CCNDBP1: variants seen among roughly 807,000 people sequenced by gnomAD.
CCNDBP1 encodes the protein cyclin D1 binding protein 1, also known as cyclin-D1-binding protein 1.
In CCNDBP1, 45 loss-of-function variants were observed where a neutral mutation model predicts 46.2. The ratio of observed to expected loss-of-function variants is 0.97; its 90% CI spans 0.77 to 1.25. CCNDBP1 has a LOEUF of 1.25. Ranked by LOEUF, CCNDBP1 falls within the 50% of genes most tolerant of loss-of-function variation. The pLI is 0.00. For missense variants in CCNDBP1, 436 were observed against 442.1 expected, an observed-to-expected ratio of 0.99 and a Z score of 0.12; for synonymous variants, 154 against 163.6, an observed-to-expected ratio of 0.94 and a Z score of 0.45.
intron 4 of CCNDBP1, 185 bp from the exon 5 acceptor site, chr15:43,189,870 A>C: frequency 1.8e-6 from 1 of 564,512 alleles, no homozygotes; most frequent in South Asian, 2.5e-5. Flanking sequence ...GAAAACACTA[A>C]GGAATGGCAG....
At position 43,196,100 on chromosome 15, in the gene CCNDBP1, G is replaced by A. The variant is rs918256306; in HGVS notation, c.*1259G>A. 6.6e-6 allele frequency: 1 copy of A among 151,724 alleles called. No individual in the cohort carries two copies. Among genetic ancestry groups the A allele is most frequent in the African/African-American group, 2.4e-5 (1 of 41,274 alleles). 9.4% of individuals were successfully genotyped at this position (151,724 alleles called of 1,614,324 possible). On this transcript the variant is annotated 3_prime_UTR_variant, in exon 11 of 11. Transcript: ENST00000300213. ...TATATACTTTTATATTTCTCTACTGGACCAAATTCATGTTATTAACATCAG... is the reference window on the plus strand; with the variant it reads ...TATATACTTTTATATTTCTCTACTGAACCAAATTCATGTTATTAACATCAG...
chr15:43,185,796 GC>G, intron 1 of CCNDBP1, 23 bp from the exon 2 acceptor site: 1 of 1,607,852 alleles, frequency 6.2e-7, no homozygotes. Flanking sequence ...CCACCGTTCG[GC>G]CCCCACACGC....
chr15:43,192,584 C>T lies in CCNDBP1; in HGVS notation c.861-159C>T, dbSNP rs575410044. On this transcript the variant is annotated intron_variant, in intron 8 of 10. Coordinates refer to ENST00000300213, the MANE Select transcript of CCNDBP1 (RefSeq NM_012142.5). ...TGGGGTATGGTTGTTTCAATAAAGA[C>T]TGGTTGAACTCATTCTGTATTGGTT... Among the ~76,000 whole-genome samples the T allele has an allele frequency of 2.6e-5, 4 of 152,282 alleles. No homozygotes were observed. In the South Asian group the frequency reaches 8.3e-4, roughly 32 times the overall value.
intron 8 of CCNDBP1, among the ~76,000 whole-genome samples, chr15:43,191,968 A>G (rs1055953271): frequency 6.6e-6 from 1 of 152,210 alleles, no homozygotes; most frequent in Non-Finnish European, 1.5e-5. Context: ...ATACTTCAGT[A>G]TGTATCTCCT....
Position 43,185,839 on chromosome 15 carries a change from C to T in CCNDBP1, c.129C>T (p.Thr43=). The change falls in exon 2 of 11, where the codon ACC becomes ACT. Residue 43 remains threonine (T), a synonymous_variant. Coordinates refer to ENST00000300213, the MANE Select transcript of CCNDBP1 (RefSeq NM_012142.5). ...CACAAGTCGGCGAAGCCCAGGAGAC[C>T]ACCGAGGAGTTTAATCGAGAGATGT... is the stretch of plus-strand genomic sequence containing the variant. ...PRVRVGEAQE[T]TEEFNREMFW... 6.2e-7 allele frequency: 1 copy of T among 1,611,536 alleles called. No individual in the cohort carries two copies.
At position 43,197,090 on chromosome 15, in the gene CCNDBP1, G is replaced by T; in HGVS notation, c.*2249G>T. 1 of 621,884 alleles carries T rather than the reference G, an allele frequency of 1.6e-6. No homozygotes were observed. The highest frequency in any genetic ancestry group is 2.8e-6 in the Non-Finnish European group (1 of 361,156). 38.5% of individuals were successfully genotyped at this position (621,884 alleles called of 1,614,324 possible). A position where few individuals can be genotyped will look rare whatever the true frequency, so the allele number is the denominator to read the frequency against. On this transcript the variant is annotated 3_prime_UTR_variant, in exon 11 of 11. Transcript: ENST00000300213. ...TCACGTTGCCTCCCTTCATCTTCCT[G>T]CATAAGTGGAAGCAGCCTGAAGCCC... is the stretch of plus-strand genomic sequence containing the variant.
Position 43,185,609 on chromosome 15 carries a change from T to G in CCNDBP1, c.109+2T>G. On this transcript the variant is annotated splice_donor_variant, in intron 1 of 10. Coordinates refer to ENST00000300213, the MANE Select transcript of CCNDBP1 (RefSeq NM_012142.5). LOFTEE classifies it high-confidence loss of function. ...GGTTGCTCCTGCCTCGAGTGCGGGGTGAGCTGACGGAGTTAGAACGGGCGA... is the reference window on the plus strand; with the variant it reads ...GGTTGCTCCTGCCTCGAGTGCGGGGGGAGCTGACGGAGTTAGAACGGGCGA... The G allele has an allele frequency of 6.5e-7, 1 of 1,540,974 alleles. No homozygotes were observed. Among genetic ancestry groups the G allele is most frequent in the Non-Finnish European group, 8.7e-7 (1 of 1,145,686 alleles).
Position 43,191,683 on chromosome 15 carries a change from G to C in CCNDBP1, c.860+8G>C. On this transcript the variant is annotated splice_region_variant and intron_variant, in intron 8 of 10. Transcript: ENST00000300213. ...TGATGAAATCAGCCCTAGGTAAGCG[G>C]GATCCCCACTTGAAACATCTGAGCA... 6.3e-7 allele frequency: 1 copy of C among 1,597,758 alleles called. No individual in the cohort carries two copies. Among genetic ancestry groups the C allele is most frequent in the Non-Finnish European group, 8.5e-7 (1 of 1,177,258 alleles).
At chr15:43,187,266 T>C (rs2041867380) in intron 3 of CCNDBP1, among the ~76,000 whole-genome samples, 1 of 151,706 alleles carries the variant, frequency 6.6e-6, no homozygotes, top group Non-Finnish European at 1.5e-5. Flanking sequence ...CTACATACCT[T>C]TGAGATTTTT....
chr15:43,186,818 A>G (rs1387550664), intron 3 of CCNDBP1, among the ~76,000 whole-genome samples: 1 of 152,218 alleles, frequency 6.6e-6, no homozygotes, highest in Non-Finnish European at 1.5e-5. Flanking sequence ...GCATATATAC[A>G]TTCATATACA....
intron 8 of CCNDBP1, 104 bp downstream of exon 8, chr15:43,191,779 C>A: frequency 7.4e-7 from 1 of 1,360,518 alleles, no homozygotes. Flanking sequence ...TGAAATTTTT[C>A]AAACCTATAG....
At chr15:43,189,115 G>GAAAAGA (rs937438203) in intron 3 of CCNDBP1, 84 bp from the exon 4 acceptor site, 6 of 303,158 alleles carry the variant, frequency 2.0e-5, no homozygotes, top group African/African-American at 2.6e-5. Context: ...GAAAAAGAAA[G>GAAAAGA]AAAAGAAAAA....
At position 43,192,536 on chromosome 15, in the gene CCNDBP1, TC is replaced by T. The variant is rs1198665369; in HGVS notation, c.861-200del. Among the ~76,000 whole-genome samples, 3 of 152,212 alleles carry T rather than the reference TC, an allele frequency of 2.0e-5. No homozygotes were observed. In the South Asian group the frequency reaches 6.2e-4, roughly 32 times the overall value. On this transcript the variant is annotated intron_variant, in intron 8 of 10. Coordinates refer to ENST00000300213, the MANE Select transcript of CCNDBP1 (RefSeq NM_012142.5). ...CACCCTACTATGAACCAAGGGAATT[TC>T]CCCCCCAGCTTCCTAGTGAAATGGG...
intron 3 of CCNDBP1, chr15:43,188,982 G>A: frequency 2.9e-6 from 1 of 343,074 alleles, no homozygotes; most frequent in Non-Finnish European, 5.3e-6. Context: ...GGAGGCTGAG[G>A]CAGGAGAACT....
At position 43,192,765 on chromosome 15, in the gene CCNDBP1, A is replaced by G. The variant is rs1345753032; in HGVS notation, c.883A>G (p.Ile295Val). The stretch of plus-strand genomic sequence containing the variant: ...TAGTGTGGATGATTTGGCTCTGAGC[A>G]TATATCCACCTATGTGTCACCTGAC... ...SPSVDDLALS[I>V]YPPMCHLTVR... Residue 295 changes from isoleucine (I) to valine (V), a missense_variant, in exon 9 of 11, where the codon ATA (isoleucine) becomes GTA (valine). By Grantham distance (29) the Ile-to-Val change is conservative. Coordinates refer to ENST00000300213, the MANE Select transcript of CCNDBP1 (RefSeq NM_012142.5). 1.2e-6 allele frequency: 2 copies of G among 1,614,190 alleles called. No homozygotes were observed. The highest frequency in any genetic ancestry group is 2.2e-5 in the East Asian group (1 of 44,890).
At chr15:43,187,163 A>G (rs1017572643) in intron 3 of CCNDBP1, among the ~76,000 whole-genome samples, 1 of 152,130 alleles carries the variant, frequency 6.6e-6, no homozygotes, top group Non-Finnish European at 1.5e-5. Context: ...TTCATAGTCA[A>G]TTGTTTTAAT....
intron 4 of CCNDBP1, 48 bp downstream of exon 4, chr15:43,189,328 T>A: frequency 9.3e-7 from 1 of 1,074,670 alleles, no homozygotes; most frequent in Non-Finnish European, 1.3e-6. Context: ...TTGCTAATAT[T>A]GTGGATTATG....
chr15:43,186,088 G>A (rs2041823830), intron 2 of CCNDBP1, 66 bp from the exon 3 acceptor site: 2 of 1,452,168 alleles, frequency 1.4e-6, no homozygotes, highest in Admixed American at 3.4e-5. Context: ...GGTCGGTAAG[G>A]GAAGTCTTCC....
Position 43,194,835 on chromosome 15 carries a change from A to G in CCNDBP1, c.1077A>G (p.Glu359=), listed in dbSNP as rs774819280. 2.5e-6 allele frequency: 4 copies of G among 1,595,024 alleles called. No homozygotes were observed. Among genetic ancestry groups the G allele is most frequent in the South Asian group, 1.1e-5 (1 of 90,672 alleles). The change falls in exon 11 of 11, where the codon GAA becomes GAG. Residue 359 remains glutamate (E), a synonymous_variant. Coordinates refer to ENST00000300213, the MANE Select transcript of CCNDBP1 (RefSeq NM_012142.5). ...RIKELTQSEL[E]L Reference sequence around the variant, plus strand: ...AGGAGCTCACTCAGAGTGAACTTGAATTATGACTTTTCAGGCTCATTTGTA... The same window carrying G: ...AGGAGCTCACTCAGAGTGAACTTGAGTTATGACTTTTCAGGCTCATTTGTA...
Sources: gnomAD v4.1 joint callset for allele counts (sites outside exome capture counted in the v4.1 genomes callset) on GRCh38, gnomAD v4.1.1 for gene constraint, MANE v1.5 for transcripts, NCBI Gene and HGNC (gene_info 2026-07-23, HGNC 2026-07-21) for gene names.